CC2D1A: variants seen among roughly 807,000 people sequenced by gnomAD.
CC2D1A encodes the protein coiled-coil and C2 domain-containing protein 1A.
CC2D1A carries 68 observed loss-of-function variants against 123.8 expected under a neutral mutation model. The observed-to-expected ratio is 0.55, with a 90% CI of 0.45 to 0.67. The LOEUF is 0.67. CC2D1A is among the 30% of genes least tolerant of loss of function. The pLI is 0.00. For missense variants in CC2D1A, 1,185 were observed against 1,290.3 expected (o/e 0.92, Z 1.25); for synonymous variants, 477 against 528.0 (o/e 0.90, Z 1.32).
chr19:13,929,528 C>G lies in CC2D1A; in HGVS notation c.2584-6C>G, dbSNP rs1477063867. The G allele has an allele frequency of 6.2e-7, 1 of 1,612,058 alleles. No individual in the cohort carries two copies. Among genetic ancestry groups the G allele is most frequent in the Non-Finnish European group, 8.5e-7 (1 of 1,179,830 alleles). ...GGATCCTCACAGGACCCTCTGTATC[C>G]TCTAGATCCTGGCCCTCAGGCAGGC... is the stretch of plus-strand genomic sequence containing the variant. On this transcript the variant is annotated splice_polypyrimidine_tract_variant and splice_region_variant and intron_variant, in intron 25 of 28. Coordinates refer to ENST00000318003, the MANE Select transcript of CC2D1A (RefSeq NM_017721.5).
intron 6 of CC2D1A, among the ~76,000 whole-genome samples, chr19:13,914,570 G>C (rs1338729769): frequency 1.3e-5 from 2 of 151,588 alleles, no homozygotes; most frequent in Non-Finnish European, 2.9e-5. Flanking sequence ...TCCTGACCTT[G>C]TGATCTGCCT....
chr19:13,914,755 C>G, intron 6 of CC2D1A, among the ~76,000 whole-genome samples: 1 of 152,138 alleles, frequency 6.6e-6, no homozygotes, highest in East Asian at 1.9e-4. Context: ...CCCGCCTCAG[C>G]CTCCTGAGTA....
At position 13,918,495 on chromosome 19, in the gene CC2D1A, T is replaced by C; in HGVS notation, c.874-9T>C. 1 of 1,613,124 alleles carries C rather than the reference T, an allele frequency of 6.2e-7. No homozygotes were observed. Among genetic ancestry groups the C allele is most frequent in the Admixed American group, 1.7e-5 (1 of 59,860 alleles). On this transcript the variant is annotated splice_polypyrimidine_tract_variant and intron_variant, in intron 7 of 28. Coordinates refer to ENST00000318003, the MANE Select transcript of CC2D1A (RefSeq NM_017721.5). ...ACCTCTTCTTCTAATCTCCTCTTCC[T>C]TCTCCCAGAGCTTTGATGCTGTCTT...
chr19:13,919,063 G>C, intron 10 of CC2D1A, 21 bp downstream of exon 10: 3 of 1,602,938 alleles, frequency 1.9e-6, no homozygotes, highest in South Asian at 1.1e-5. Flanking sequence ...GGTTCCGGGG[G>C]AGGTGGGGCG....
Position 13,923,049 on chromosome 19 carries a change from C to T in CC2D1A, c.1642-284C>T, listed in dbSNP as rs185297849. 6.8e-3 allele frequency among the ~76,000 whole-genome samples: 1,042 copies of T among 152,142 alleles called. 12 individuals carry two copies. The highest frequency in any genetic ancestry group is 0.024 in the African/African-American group (1,004 of 41,500). Reference sequence around the variant, plus strand: ...CTCTACTAAAAATACAAAAATTAGCCAGGTGTGGTGGCAGGCGCCTGTAAT... The same window carrying T: ...CTCTACTAAAAATACAAAAATTAGCTAGGTGTGGTGGCAGGCGCCTGTAAT... On this transcript the variant is annotated intron_variant, in intron 14 of 28. Transcript: ENST00000318003. This position sits in a 1 kb window ranked among gnomAD's most constrained non-coding sequence, Gnocchi z 5.3.
chr19:13,916,571 A>G (rs577657189), intron 6 of CC2D1A, among the ~76,000 whole-genome samples: 41 of 152,310 alleles, frequency 2.7e-4, no homozygotes, highest in Non-Finnish European at 3.7e-4. Flanking sequence ...CTCCAAAAAA[A>G]TAAAATAAAA....
intron 14 of CC2D1A, 83 bp downstream of exon 14, chr19:13,921,005 G>A: frequency 7.5e-7 from 1 of 1,337,500 alleles, no homozygotes; most frequent in Non-Finnish European, 1.0e-6. Context: ...AACTAGAAGT[G>A]TATTAGTCAA....
At chr19:13,907,599 G>A (rs996348347) in intron 1 of CC2D1A, among the ~76,000 whole-genome samples, 1 of 152,174 alleles carries the variant, frequency 6.6e-6, no homozygotes, top group Admixed American at 6.6e-5. Flanking sequence ...CTTGAACCGA[G>A]AGGCGGAGGT....
chr19:13,913,128 G>T (rs771243146), intron 4 of CC2D1A, 40 bp from the exon 5 acceptor site: 2 of 1,545,790 alleles, frequency 1.3e-6, no homozygotes, highest in Admixed American at 4.2e-5. Flanking sequence ...GGCATCCCAA[G>T]TGGGGTCACC....
Position 13,906,653 on chromosome 19 carries a change from C to T in CC2D1A, c.60+152C>T. On this transcript the variant is annotated intron_variant, in intron 1 of 28. Transcript: ENST00000318003. The surrounding 1 kb of genome is among the most constrained non-coding windows in gnomAD (Gnocchi z 4.1). ...CCCCAGGTGAGGCTCCAACACCACC[C>T]AAGTGTGGCCTACTGGCCTTGGCTC... 1.9e-6 allele frequency: 1 copy of T among 527,894 alleles called. No homozygotes were observed. Among genetic ancestry groups the T allele is most frequent in the Non-Finnish European group, 3.3e-6 (1 of 306,468 alleles). 32.7% of individuals were successfully genotyped at this position (527,894 alleles called of 1,614,324 possible).
chr19:13,924,466 G>A (rs760292103), intron 17 of CC2D1A, among the ~76,000 whole-genome samples: 5 of 151,856 alleles, frequency 3.3e-5, no homozygotes, highest in South Asian at 2.1e-4. Context: ...CACCACTCCC[G>A]GCCTTTTTTA....
chr19:13,922,165 C>T (rs1010046758), intron 14 of CC2D1A, among the ~76,000 whole-genome samples: 7 of 152,182 alleles, frequency 4.6e-5, no homozygotes, highest in African/African-American at 1.7e-4. Context: ...CCATGCCCGG[C>T]TAATTTTTAT....
At position 13,926,509 on chromosome 19, in the gene CC2D1A, C is replaced by T. The variant is rs1469710677; in HGVS notation, c.1941-8C>T. 6 of 1,613,552 alleles carry T rather than the reference C, an allele frequency of 3.7e-6. No individual in the cohort carries two copies. The Admixed American group carries it at 5.0e-5, about 13-fold the overall frequency. ...GCCCACCTGCCTGCCCACCTGCCCA[C>T]CCGGAAGGATCTTCCCTGACCTCAG... On this transcript the variant is annotated splice_polypyrimidine_tract_variant and splice_region_variant and intron_variant, in intron 17 of 28. Transcript: ENST00000318003.
In CC2D1A at chr19:13,920,630, C is replaced by T. The variant is rs1485677160; in HGVS notation, c.1430C>T (p.Pro477Leu). ...AGAACTCCCCAGTCGGGATCAGCCCCAACAGCCAAAGCGCCCCCCAAAGCC... is the reference window on the plus strand; with the variant it reads ...AGAACTCCCCAGTCGGGATCAGCCCTAACAGCCAAAGCGCCCCCCAAAGCC... The part of the protein sequence containing the change: ...PSRTPQSGSA[P>L]TAKAPPKATS... The change falls in exon 13 of 29, where the codon CCA (proline) becomes CTA (leucine). Residue 477 changes from proline (P) to leucine (L), a missense_variant. Coordinates refer to ENST00000318003, the MANE Select transcript of CC2D1A (RefSeq NM_017721.5). 1.2e-6 allele frequency: 2 copies of T among 1,611,372 alleles called. No individual in the cohort carries two copies. The highest frequency in any genetic ancestry group is 1.7e-6 in the Non-Finnish European group (2 of 1,178,798).
chr19:13,919,403 A>G (rs1037387866), intron 11 of CC2D1A, among the ~76,000 whole-genome samples: 1 of 152,208 alleles, frequency 6.6e-6, no homozygotes, highest in Non-Finnish European at 1.5e-5. Context: ...CTTGTTAATC[A>G]GTGGGAGCTT....
intron 2 of CC2D1A, among the ~76,000 whole-genome samples, chr19:13,910,977 A>C (rs143051641): frequency 5.3e-4 from 81 of 151,976 alleles, no homozygotes; most frequent in African/African-American, 1.9e-3. Context: ...GTGAATTCAA[A>C]GTTAATGAAT....
intron 7 of CC2D1A, 62 bp downstream of exon 7, chr19:13,918,256 G>GT: frequency 6.8e-7 from 1 of 1,463,362 alleles, no homozygotes; most frequent in Non-Finnish European, 9.1e-7. Context: ...ACGTGGCCTG[G>GT]TGGCAAAGCA....
chr19:13,919,885 G>A lies in CC2D1A; in HGVS notation c.1290G>A (p.Glu430=). Residue 430 remains glutamate, a synonymous_variant, in exon 12 of 29, where the codon GAG becomes GAA. Coordinates refer to ENST00000318003, the MANE Select transcript of CC2D1A (RefSeq NM_017721.5). Reference sequence around the variant, plus strand: ...AGCAGAGTCTGGTGGGTGTCCTGGAGACTGCCATGAAGCTGGCCAACCAGG... The same window carrying A: ...AGCAGAGTCTGGTGGGTGTCCTGGAAACTGCCATGAAGCTGGCCAACCAGG... The part of the protein sequence containing the change: ...PTQQSLVGVL[E]TAMKLANQDE... 1 of 1,613,290 alleles carries A rather than the reference G, an allele frequency of 6.2e-7. No homozygotes were observed. The highest frequency in any genetic ancestry group is 8.5e-7 in the Non-Finnish European group (1 of 1,179,868).
Position 13,906,265 on chromosome 19 carries a change from C to T in CC2D1A, c.-177C>T, listed in dbSNP as rs1319154941. 2 of 479,436 alleles carry T rather than the reference C, an allele frequency of 4.2e-6. No individual in the cohort carries two copies. Among genetic ancestry groups the T allele is most frequent in the Non-Finnish European group, 7.1e-6 (2 of 281,352 alleles). 29.7% of individuals were successfully genotyped at this position (479,436 alleles called of 1,614,324 possible). A position where few individuals can be genotyped will look rare whatever the true frequency, so the allele number is the denominator to read the frequency against. On this transcript the variant is annotated 5_prime_UTR_variant, in exon 1 of 29. Transcript: ENST00000318003. The surrounding 1 kb of genome is among the most constrained non-coding windows in gnomAD (Gnocchi z 4.1). ...CGCTCCGGTGCGGCGGCGCCCGAGG[C>T]CCGAGGCGGAAGTGGGACGGCCAAG... is the stretch of plus-strand genomic sequence containing the variant.
Sources: gnomAD v4.1 joint callset for allele counts (sites outside exome capture counted in the v4.1 genomes callset) on GRCh38, gnomAD v4.1.1 for gene constraint, Gnocchi (gnomAD v3.1) non-coding constraint, MANE v1.5 for transcripts, NCBI Gene and HGNC (gene_info 2026-07-23, HGNC 2026-07-21) for gene names.